The following POU6F2 variants were observed in gnomAD, a reference collection of about 807,000 sequenced individuals.
The protein encoded by POU6F2 is POU domain, class 6, transcription factor 2.
In POU6F2, 31 loss-of-function variants were observed where a neutral mutation model predicts 71.3. The observed-to-expected ratio is 0.43, with a 90% CI of 0.33 to 0.59. The LOEUF (loss-of-function observed/expected upper bound fraction) is 0.59, where lower values mean the gene tolerates loss of function less well. Among genes scored for constraint, POU6F2 ranks in the 20% least tolerant of loss-of-function variants. The pLI is 0.04. For missense variants in POU6F2, 783 were observed against 856.8 expected, an observed-to-expected ratio of 0.91 and a Z score of 1.07; for synonymous variants, 347 against 355.7, an observed-to-expected ratio of 0.98 and a Z score of 0.27.
At chr7:39,331,068 A>G (rs1785638461) in intron 4 of POU6F2, among the ~76,000 whole-genome samples, 1 of 152,290 alleles carries the variant, frequency 6.6e-6, no homozygotes, top group South Asian at 2.1e-4. Flanking sequence ...ACTTAACATA[A>G]TGTCCTCGGG....
At position 39,151,971 on chromosome 7, in the gene POU6F2, G is replaced by A. The variant is rs996371376; in HGVS notation, c.278-52264G>A. Among the ~76,000 whole-genome samples the A allele has an allele frequency of 2.0e-4, 30 of 152,284 alleles. No homozygotes were observed. In the South Asian group the frequency reaches 4.6e-3, roughly 23 times the overall value. On this transcript the variant is annotated intron_variant, in intron 2 of 9. Coordinates refer to ENST00000518318, the MANE Select transcript of POU6F2 (RefSeq NM_001370959.1). Reference sequence around the variant, plus strand: ...TTATCAGGATGAGAGTAACATCAGCGTGGCTTATCTTCTTTCTGTAGCCAA... The same window carrying A: ...TTATCAGGATGAGAGTAACATCAGCATGGCTTATCTTCTTTCTGTAGCCAA...
At chr7:39,252,390 A>C (rs1254819362) in intron 4 of POU6F2, among the ~76,000 whole-genome samples, 6 of 86,170 alleles carry the variant, frequency 7.0e-5, no homozygotes, top group Admixed American at 2.6e-4. Context: ...ACATACAGAC[A>C]GACAGACAGA....
At chr7:39,312,033 A>T (rs1785175473) in intron 4 of POU6F2, among the ~76,000 whole-genome samples, 1 of 152,204 alleles carries the variant, frequency 6.6e-6, no homozygotes, top group Non-Finnish European at 1.5e-5. Flanking sequence ...AACAGAATTA[A>T]TAGCCCTATA....
chr7:39,416,582 G>A (rs1787681028), intron 6 of POU6F2, among the ~76,000 whole-genome samples: 1 of 152,106 alleles, frequency 6.6e-6, no homozygotes, highest in South Asian at 2.1e-4. Context: ...CCAGAATGAG[G>A]TAAACCCTTC....
At chr7:38,978,168 C>T (rs531934920) in intron 1 of POU6F2, 110 bp downstream of exon 1, 2 of 152,260 alleles carry the variant, frequency 1.3e-5, no homozygotes, top group Admixed American at 1.3e-4. Flanking sequence ...CTTCAGCTAC[C>T]TGCCAGTGTA....
chr7:39,413,301 G>A (rs927780290), intron 6 of POU6F2, among the ~76,000 whole-genome samples: 2 of 151,934 alleles, frequency 1.3e-5, no homozygotes, highest in Non-Finnish European at 2.9e-5. Flanking sequence ...TTCCATGCAC[G>A]TTCTGCATTT....
At chr7:39,377,080 GTATTAAATAACTTAAA>G (rs1298599375) in intron 5 of POU6F2, among the ~76,000 whole-genome samples, 26 of 147,540 alleles carry the variant, frequency 1.8e-4, no homozygotes, top group African/African-American at 3.2e-4. Context: ...TTTAAATTAG[GTATTAAATAACTTAAA>G]TATTAAATAA....
intron 2 of POU6F2, among the ~76,000 whole-genome samples, chr7:39,181,648 T>C (rs894495713): frequency 4.6e-5 from 7 of 152,298 alleles, no homozygotes; most frequent in Non-Finnish European, 7.4e-5. Context: ...TGTTACTTGC[T>C]CACAAAGAGC....
chr7:39,392,174 T>C (rs1787086771), intron 5 of POU6F2, among the ~76,000 whole-genome samples: 1 of 152,232 alleles, frequency 6.6e-6, no homozygotes, highest in Non-Finnish European at 1.5e-5. Context: ...CCAAATTTTA[T>C]TCCATTTTAG....
intron 1 of POU6F2, among the ~76,000 whole-genome samples, chr7:38,991,575 T>C (rs1040334615): frequency 6.6e-6 from 1 of 152,198 alleles, no homozygotes; most frequent in Admixed American, 6.6e-5. Context: ...CATGCACCAA[T>C]GTAATACAGA....
At chr7:39,411,751 T>C (rs918806797) in intron 6 of POU6F2, among the ~76,000 whole-genome samples, 8 of 152,120 alleles carry the variant, frequency 5.3e-5, no homozygotes, top group African/African-American at 1.9e-4. Flanking sequence ...AATCAAATGG[T>C]TCTAACAGTA....
At chr7:39,069,646 G>GATTAAC (rs1790833939) in intron 1 of POU6F2, among the ~76,000 whole-genome samples, 1 of 151,886 alleles carries the variant, frequency 6.6e-6, no homozygotes, top group South Asian at 2.1e-4. Flanking sequence ...ATAAACATTC[G>GATTAAC]ATTAACACTT....
intron 5 of POU6F2, among the ~76,000 whole-genome samples, chr7:39,358,319 G>A (rs1786302006): frequency 6.6e-6 from 1 of 152,084 alleles, no homozygotes; most frequent in Admixed American, 6.5e-5. Context: ...TTTGGGTGGG[G>A]TACAGATGAA....
At chr7:39,243,666 T>C (rs1783765246) in intron 4 of POU6F2, among the ~76,000 whole-genome samples, 1 of 151,966 alleles carries the variant, frequency 6.6e-6, no homozygotes, top group Non-Finnish European at 1.5e-5. Flanking sequence ...TAATTTATTC[T>C]AGGAACCAAG....
At chr7:39,048,889 A>G (rs1001086684) in intron 1 of POU6F2, among the ~76,000 whole-genome samples, 1 of 151,966 alleles carries the variant, frequency 6.6e-6, no homozygotes, top group Non-Finnish European at 1.5e-5. Flanking sequence ...GTGAGATGGT[A>G]TCTCATATCT....
At chr7:39,226,787 A>C (rs1420554259) in intron 4 of POU6F2, among the ~76,000 whole-genome samples, 7 of 152,232 alleles carry the variant, frequency 4.6e-5, no homozygotes, top group African/African-American at 7.2e-5. Context: ...AGAGTGTTCT[A>C]GGAAAGAAAG....
intron 4 of POU6F2, among the ~76,000 whole-genome samples, chr7:39,310,111 C>T (rs1785133071): frequency 6.6e-6 from 1 of 152,096 alleles, no homozygotes; most frequent in Non-Finnish European, 1.5e-5. Context: ...ACTCTGAATT[C>T]CCTGAATCTA....
At chr7:39,287,474 A>C (rs1784671080) in intron 4 of POU6F2, among the ~76,000 whole-genome samples, 1 of 152,194 alleles carries the variant, frequency 6.6e-6, no homozygotes, top group Admixed American at 6.5e-5. Context: ...CTTCTCATCA[A>C]AAAATGGGGA....
intron 1 of POU6F2, among the ~76,000 whole-genome samples, chr7:39,041,419 A>G (rs547233672): frequency 5.9e-5 from 9 of 151,976 alleles, no homozygotes; most frequent in African/African-American, 2.2e-4. Context: ...CTATTGGTAG[A>G]TTGCTCTCCA....
Sources: allele counts gnomAD v4.1 joint callset (sites outside exome capture counted in the v4.1 genomes callset), GRCh38; gene constraint gnomAD v4.1.1; transcripts MANE v1.5; gene names NCBI Gene and HGNC (gene_info 2026-07-23, HGNC 2026-07-21).